HDAC9: variants seen among roughly 807,000 people sequenced by gnomAD.
HDAC9 encodes the protein MEF-2 interacting transcription repressor (MITR) protein.
HDAC9 carries 41 observed loss-of-function variants against 139.4 expected under a neutral mutation model. The ratio of observed to expected loss-of-function variants is 0.29; its 90% CI spans 0.23 to 0.38. The LOEUF is 0.38. Among genes scored for constraint, HDAC9 ranks in the 10% least tolerant of loss-of-function variants. The pLI is 1.00. For missense variants in HDAC9, 1,147 were observed against 1,297.0 expected (o/e 0.88, Z 1.78); for synonymous variants, 517 against 476.2 (o/e 1.09, Z -1.12).
chr7:18,273,127 A>G (rs375814211), intron 2 of HDAC9, among the ~76,000 whole-genome samples: 2 of 137,912 alleles, frequency 1.5e-5, no homozygotes, highest in African/African-American at 5.7e-5. Flanking sequence ...GTGCAGTGAC[A>G]TCATAACTCA....
At chr7:18,901,852 A>C (rs1244639741) in intron 22 of HDAC9, among the ~76,000 whole-genome samples, 1 of 152,196 alleles carries the variant, frequency 6.6e-6, no homozygotes, top group African/African-American at 2.4e-5. Context: ...TTTAACAAGC[A>C]GCTTTCTTTT....
intron 1 of HDAC9, among the ~76,000 whole-genome samples, chr7:18,409,444 G>A (rs1456305684): frequency 6.6e-6 from 1 of 152,050 alleles, no homozygotes; most frequent in Non-Finnish European, 1.5e-5. Flanking sequence ...AAAGTGTAAT[G>A]CTTATAGACA....
chr7:18,295,852 G>A (rs1056574879), intron 1 of HDAC9, among the ~76,000 whole-genome samples: 3 of 152,088 alleles, frequency 2.0e-5, no homozygotes, highest in Non-Finnish European at 4.4e-5. Flanking sequence ...AGAGGCCAGG[G>A]ATGCTGCTGA....
chr7:18,883,986 A>G (rs1776158417), intron 22 of HDAC9, among the ~76,000 whole-genome samples: 1 of 152,222 alleles, frequency 6.6e-6, no homozygotes, highest in Non-Finnish European at 1.5e-5. Context: ...AATACATTTA[A>G]CCAAGGAGGT....
chr7:18,902,464 A>G (rs1219557373), intron 22 of HDAC9, among the ~76,000 whole-genome samples: 2 of 152,204 alleles, frequency 1.3e-5, no homozygotes, highest in Non-Finnish European at 2.9e-5. Flanking sequence ...TTTGAAACCA[A>G]ACTATGAAAG....
chr7:18,398,530 C>G (rs1048681552), intron 1 of HDAC9, among the ~76,000 whole-genome samples: 1 of 151,208 alleles, frequency 6.6e-6, no homozygotes, highest in Non-Finnish European at 1.5e-5. Flanking sequence ...TTTTTTTAAC[C>G]TGGAAACATT....
rs765706420 is a variant in HDAC9, at chr7:18,935,838, A to G, written c.2833A>G (p.Thr945Ala). 6.2e-7 allele frequency: 1 copy of G among 1,613,726 alleles called. No individual in the cohort carries two copies. The highest frequency in any genetic ancestry group is 8.5e-7 in the Non-Finnish European group (1 of 1,179,670). Residue 945 changes from threonine (T) to alanine (A), a missense_variant, in exon 23 of 26, where the codon ACA (threonine) becomes GCA (alanine). Around this residue, in one of 7 missense-constraint regions of HDAC9, gnomAD observed 407 missense variants for 521.5 expected, o/e 0.78. Coordinates refer to ENST00000686413, the MANE Select transcript of HDAC9 (RefSeq NM_178425.4). ...CFGHLTKQLM[T>A]LADGRVVLAL... ...TGGTCATTTGACGAAGCAATTGATG[A>G]CATTGGCTGATGGACGTGTGGTGTT...
At chr7:18,572,490 A>G (rs1563327546) in intron 2 of HDAC9, among the ~76,000 whole-genome samples, 2 of 151,880 alleles carry the variant, frequency 1.3e-5, no homozygotes, top group South Asian at 2.1e-4. Flanking sequence ...TGTAGAAAAA[A>G]ATACGGGAAA....
At chr7:18,630,640 T>A (rs988803410) in intron 7 of HDAC9, among the ~76,000 whole-genome samples, 14 of 152,118 alleles carry the variant, frequency 9.2e-5, no homozygotes, top group African/African-American at 3.4e-4. Flanking sequence ...AAATATTAAA[T>A]CTGAATAATA....
chr7:18,357,202 T>C (rs1033914045), intron 1 of HDAC9, among the ~76,000 whole-genome samples: 1 of 152,184 alleles, frequency 6.6e-6, no homozygotes, highest in African/African-American at 2.4e-5. Flanking sequence ...GTCTTATTGT[T>C]ACTTCGTTTC....
intron 21 of HDAC9, among the ~76,000 whole-genome samples, chr7:18,873,440 C>T (rs1294060224): frequency 1.3e-5 from 2 of 152,042 alleles, no homozygotes; most frequent in African/African-American, 2.4e-5. Flanking sequence ...ATTTTTATTG[C>T]ATAACTGCAA....
Position 18,744,860 on chromosome 7 carries a change from A to T in HDAC9, c.1910-4145A>T, listed in dbSNP as rs373558457. On this transcript the variant is annotated intron_variant, in intron 13 of 25. Transcript: ENST00000686413. ...TTTAAGGATTTCTTGTATGTAAAAA[A>T]ATATATATATAATACGTATTTTCTA... Among the ~76,000 whole-genome samples, 72 of 152,160 alleles carry T rather than the reference A, an allele frequency of 4.7e-4. 2 individuals carry two copies. In the East Asian group the frequency reaches 6.4e-3, roughly 13 times the overall value.
At chr7:18,145,700 C>G (rs1476261824) in intron 1 of HDAC9, among the ~76,000 whole-genome samples, 3 of 152,092 alleles carry the variant, frequency 2.0e-5, no homozygotes, top group African/African-American at 7.2e-5. Context: ...ATATAAGGAA[C>G]ATCTTTTAAA....
rs1562893151 is a variant in HDAC9, at chr7:18,732,869, ACACACACACG to A, written c.1909+5113_1909+5122del. Among the ~76,000 whole-genome samples the A allele has an allele frequency of 7.3e-4, 70 of 96,546 alleles. 10 individuals are homozygous for A. The highest frequency in any genetic ancestry group is 4.2e-3 in the East Asian group (8 of 1,902). The allele number at this position is 96,546 out of a possible 152,430, so 63.3% of individuals were successfully genotyped here. On this transcript the variant is annotated intron_variant, in intron 13 of 25. Coordinates refer to ENST00000686413, the MANE Select transcript of HDAC9 (RefSeq NM_178425.4). ...CACGTGTGTATGTGTGCGTATGTGT[ACACACACACG>A]TGTGCGTATGTGTACACACACACGT...
At chr7:18,771,380 C>T (rs1359382299) in intron 16 of HDAC9, among the ~76,000 whole-genome samples, 1 of 152,018 alleles carries the variant, frequency 6.6e-6, no homozygotes, top group Non-Finnish European at 1.5e-5. Flanking sequence ...ATTTAAGGCC[C>T]ATTTCAATTG....
At chr7:18,868,257 C>G (rs1798643266) in intron 21 of HDAC9, among the ~76,000 whole-genome samples, 1 of 152,146 alleles carries the variant, frequency 6.6e-6, no homozygotes, top group Non-Finnish European at 1.5e-5. Context: ...TCAAACCCCA[C>G]TTTAGTGTTA....
At chr7:18,588,695 C>T (rs1236375496) in intron 3 of HDAC9, among the ~76,000 whole-genome samples, 1 of 152,050 alleles carries the variant, frequency 6.6e-6, no homozygotes. Context: ...ATTTTGTTAT[C>T]TTTTGTGGGT....
chr7:18,417,517 A>G (rs112629836), intron 1 of HDAC9, among the ~76,000 whole-genome samples: 70 of 152,064 alleles, frequency 4.6e-4, no homozygotes, highest in African/African-American at 1.5e-3. Flanking sequence ...ATATTTTCAT[A>G]CTCCTATGAA....
At chr7:18,462,808 T>A (rs1793962636) in intron 1 of HDAC9, among the ~76,000 whole-genome samples, 1 of 152,080 alleles carries the variant, frequency 6.6e-6, no homozygotes, top group African/African-American at 2.4e-5. Flanking sequence ...TTTAGGTGTG[T>A]CCAGTTTTGA....
Sources: allele counts gnomAD v4.1 joint callset (sites outside exome capture counted in the v4.1 genomes callset), GRCh38; gene constraint gnomAD v4.1.1; regional missense constraint gnomAD v4.1.1; transcripts MANE v1.5; gene names NCBI Gene and HGNC (gene_info 2026-07-23, HGNC 2026-07-21).